PUM2: variants seen among roughly 807,000 people sequenced by gnomAD.
The protein encoded by PUM2 is pumilio homolog 2.
Under a neutral mutation model 124.5 loss-of-function variants are expected in PUM2, and 57 were observed. The ratio of observed to expected loss-of-function variants is 0.46; its 90% CI spans 0.37 to 0.57. The LOEUF is 0.57. PUM2 is among the 20% of genes least tolerant of loss of function. PUM2 has a pLI of 0.00. For missense variants in PUM2, 1,065 were observed against 1,290.6 expected (o/e 0.83, Z 2.68); for synonymous variants, 460 against 446.1 (o/e 1.03, Z -0.39).
At chr2:20,300,152 AT>A (rs35288020) in intron 7 of PUM2, among the ~76,000 whole-genome samples, 65 of 147,504 alleles carry the variant, frequency 4.4e-4, no homozygotes, top group South Asian at 6.4e-4. Context: ...TTCAGGTTAA[AT>A]TTTTTTTTTT....
chr2:20,338,890 AT>A (rs1686661550), intron 1 of PUM2, among the ~76,000 whole-genome samples: 1 of 152,184 alleles, frequency 6.6e-6, no homozygotes, highest in African/African-American at 2.4e-5. Flanking sequence ...GATATGCATG[AT>A]TTTTACATTA....
Position 20,294,477 on chromosome 2 carries a change from C to A in PUM2, c.1051G>T (p.Gly351Trp), listed in dbSNP as rs940395315. ...TGAAATAAGTTGGCTGGATACACCC[C>A]CCATGGAACGCCGTAATACTGAGGT... ...VPPQYYGVPW[G>W]VYPANLFQQQ... The change falls in exon 9 of 21, where the codon GGG (glycine) becomes TGG (tryptophan). Residue 351 changes from glycine (G) to tryptophan (W), a missense_variant. This residue lies in a region of PUM2 where 968 missense variants were observed against 1,159.8 expected (regional missense o/e 0.83). Transcript: ENST00000361078. The A allele has an allele frequency of 9.9e-6, 16 of 1,614,002 alleles. No homozygotes were observed. Among genetic ancestry groups the A allele is most frequent in the African/African-American group, 1.3e-5 (1 of 74,898 alleles).
At chr2:20,274,480 A>G (rs1401639276) in intron 13 of PUM2, among the ~76,000 whole-genome samples, 1 of 152,110 alleles carries the variant, frequency 6.6e-6, no homozygotes, top group Non-Finnish European at 1.5e-5. Context: ...AAAATTTATA[A>G]TATCTTGCCT....
chr2:20,327,281 G>GT (rs1393647098), intron 2 of PUM2, 29 bp downstream of exon 2: 2 of 1,428,720 alleles, frequency 1.4e-6, no homozygotes, highest in East Asian at 2.3e-5. Context: ...AAAGTGAGGT[G>GT]TAAGTTCTTA....
rs1159556616 is a variant in PUM2 at position 20,276,790 on chromosome 2, T to G, written c.1957+1793A>C. Among the ~76,000 whole-genome samples, 5 of 151,972 alleles carry G rather than the reference T, an allele frequency of 3.3e-5. No individual in the cohort carries two copies. The East Asian group carries it at 7.7e-4, about 23-fold the overall frequency. On this transcript the variant is annotated intron_variant, in intron 13 of 20. Coordinates refer to ENST00000361078, the MANE Select transcript of PUM2 (RefSeq NM_015317.5). ...TACCACCACTAAAACTATGGGAAAC[T>G]GGGGGTCACAAAAAGAAAATAACAC...
At position 20,255,410 on chromosome 2, in the gene PUM2, GGTTT is replaced by G. The variant is rs908722484; in HGVS notation, c.2623-73_2623-70del. On this transcript the variant is annotated intron_variant, in intron 17 of 20. Transcript: ENST00000361078. ...TTTGAACAGTTCTATGAAGCAGACTGGTTTGTTTTTTTTTTTTTTGACAACACCT... is the reference window on the plus strand; with the variant it reads ...TTTGAACAGTTCTATGAAGCAGACTGGTTTTTTTTTTTTTTGACAACACCT... The G allele has an allele frequency of 9.5e-5, 136 of 1,433,466 alleles. No homozygotes were observed. The Middle Eastern group carries it at 3.5e-3, about 37-fold the overall frequency. 88.8% of individuals were successfully genotyped at this position (1,433,466 alleles called of 1,614,324 possible). A position where few individuals can be genotyped will look rare whatever the true frequency, so the allele number is the denominator to read the frequency against.
Position 20,251,480 on chromosome 2 carries a change from T to TA in PUM2, c.*104dup, listed in dbSNP as rs977304134. On this transcript the variant is annotated 3_prime_UTR_variant, in exon 21 of 21. Coordinates refer to ENST00000361078, the MANE Select transcript of PUM2 (RefSeq NM_015317.5). ...ATAAAGTCAATAAATAGTTTTGCTT[T>TA]AAAAAAAAATTGAAGATTCATAGTT... 712 of 1,313,382 alleles carry TA rather than the reference T, an allele frequency of 5.4e-4. No individual in the cohort carries two copies. Among genetic ancestry groups the TA allele is most frequent in the South Asian group, 8.6e-4 (55 of 63,950 alleles). 81.4% of individuals were successfully genotyped at this position (1,313,382 alleles called of 1,614,324 possible).
Position 20,251,497 on chromosome 2 carries a change from TTCATAGTTGAG to T in PUM2, c.*77_*87del, listed in dbSNP as rs1331147862. On this transcript the variant is annotated 3_prime_UTR_variant, in exon 21 of 21. Coordinates refer to ENST00000361078, the MANE Select transcript of PUM2 (RefSeq NM_015317.5). ...TTTTGCTTTAAAAAAAAATTGAAGA[TTCATAGTTGAG>T]TTGTGTTTTGATAATTCACACACAA... 56 of 1,429,578 alleles carry T rather than the reference TTCATAGTTGAG, an allele frequency of 3.9e-5. No individual in the cohort carries two copies. The highest frequency in any genetic ancestry group is 5.2e-5 in the Non-Finnish European group (55 of 1,061,486). 88.6% of individuals were successfully genotyped at this position (1,429,578 alleles called of 1,614,324 possible).
intron 5 of PUM2, among the ~76,000 whole-genome samples, chr2:20,310,535 G>A (rs1043472708): frequency 2.4e-4 from 37 of 152,000 alleles, no homozygotes; most frequent in African/African-American, 7.0e-4. Context: ...GAACAAACTC[G>A]AAATAAATTT....
At chr2:20,287,155 A>G (rs1672939473) in intron 10 of PUM2, among the ~76,000 whole-genome samples, 1 of 152,236 alleles carries the variant, frequency 6.6e-6, no homozygotes, top group Non-Finnish European at 1.5e-5. Context: ...TATGACATAG[A>G]TCTAACAACT....
chr2:20,307,841 T>C lies in PUM2; in HGVS notation c.883+137A>G, dbSNP rs1678707641. 3 of 1,142,546 alleles carry C rather than the reference T, an allele frequency of 2.6e-6. No homozygotes were observed. The East Asian group carries it at 8.2e-5, about 31-fold the overall frequency. 70.8% of individuals were successfully genotyped at this position (1,142,546 alleles called of 1,614,324 possible). A position where few individuals can be genotyped will look rare whatever the true frequency, so the allele number is the denominator to read the frequency against. ...ACAATTCCCTAGTTAATAAACACCT[T>C]TGTCATACAACCTATTACTTGTTGA... On this transcript the variant is annotated intron_variant, in intron 7 of 20. Coordinates refer to ENST00000361078, the MANE Select transcript of PUM2 (RefSeq NM_015317.5).
chr2:20,308,583 G>A lies in PUM2; in HGVS notation c.520C>T (p.Arg174Cys), dbSNP rs755642393. ...GAGGCTTGACGACTTCCAGGAGTAC[G>A]ACTACATAAAGAAAATAGAAAAGCA... ...GMDADCKDFN[R>C]TPGSRQASPT... Residue 174 changes from arginine to cysteine, a missense_variant and splice_region_variant, in exon 6 of 21, where the codon CGT (arginine) becomes TGT (cysteine). Physicochemically the swap from Arg to Cys is radical, Grantham distance 180 (BLOSUM62 -3). Around this residue, in one of 3 missense-constraint regions of PUM2, gnomAD observed 968 missense variants for 1,159.8 expected, o/e 0.83. Transcript: ENST00000361078. 4.4e-6 allele frequency: 7 copies of A among 1,595,610 alleles called. No homozygotes were observed. The Admixed American group carries it at 1.1e-4, about 25-fold the overall frequency.
At chr2:20,309,797 T>C (rs537443463) in intron 5 of PUM2, among the ~76,000 whole-genome samples, 1 of 152,252 alleles carries the variant, frequency 6.6e-6, no homozygotes, top group African/African-American at 2.4e-5. Context: ...TGCTAACATA[T>C]AGAGTAGTTT....
At chr2:20,312,861 C>G (rs1325817856) in intron 3 of PUM2, among the ~76,000 whole-genome samples, 1 of 152,034 alleles carries the variant, frequency 6.6e-6, no homozygotes, top group Non-Finnish European at 1.5e-5. Flanking sequence ...GTACTGGTAC[C>G]AAAACAGATA....
At chr2:20,268,750 T>C (rs544166704) in intron 13 of PUM2, among the ~76,000 whole-genome samples, 99 of 152,324 alleles carry the variant, frequency 6.5e-4, no homozygotes, top group Admixed American at 1.0e-3. Context: ...AGCATTTCTT[T>C]CCAGATTAAT....
At chr2:20,266,976 C>T (rs1026216224) in intron 13 of PUM2, among the ~76,000 whole-genome samples, 6 of 151,486 alleles carry the variant, frequency 4.0e-5, no homozygotes, top group Non-Finnish European at 8.8e-5. Context: ...TACTTACTGT[C>T]AAGAAACATA....
rs1297768012 is a variant in PUM2, at chr2:20,248,967, C to G, written c.*2618G>C. On this transcript the variant is annotated 3_prime_UTR_variant, in exon 21 of 21. Coordinates refer to ENST00000361078, the MANE Select transcript of PUM2 (RefSeq NM_015317.5). ...TTCAGATTTTACCAAAATTTCATGCCAACTTACTAAAAGGTAAAAATTGGG... is the reference window on the plus strand; with the variant it reads ...TTCAGATTTTACCAAAATTTCATGCGAACTTACTAAAAGGTAAAAATTGGG... 1 of 152,148 alleles carries G rather than the reference C, an allele frequency of 6.6e-6. No individual in the cohort carries two copies. Among genetic ancestry groups the G allele is most frequent in the Non-Finnish European group, 1.5e-5 (1 of 68,016 alleles). The allele number at this position is 152,148 out of a possible 1,614,324, so 9.4% of individuals were successfully genotyped here.
At chr2:20,315,643 T>C (rs1041945398) in intron 3 of PUM2, among the ~76,000 whole-genome samples, 6 of 152,032 alleles carry the variant, frequency 3.9e-5, no homozygotes, top group South Asian at 2.1e-4. Flanking sequence ...GTGCTCAAGA[T>C]GCTTTGCTTT....
chr2:20,306,729 A>AC (rs1678413617), intron 7 of PUM2, among the ~76,000 whole-genome samples: 1 of 150,466 alleles, frequency 6.6e-6, no homozygotes, highest in Non-Finnish European at 1.5e-5. Flanking sequence ...TGCCTCAGAC[A>AC]CCCAAGTAGA....
Sources: gnomAD v4.1 joint callset for allele counts (sites outside exome capture counted in the v4.1 genomes callset) on GRCh38, gnomAD v4.1.1 for gene constraint, gnomAD v4.1.1 regional missense constraint, MANE v1.5 for transcripts, NCBI Gene and HGNC (gene_info 2026-07-23, HGNC 2026-07-21) for gene names.